ERAP1: variants seen among roughly 807,000 people sequenced by gnomAD.
ERAP1 encodes the protein endoplasmic reticulum aminopeptidase 1.
In ERAP1, 86 loss-of-function variants were observed where a neutral mutation model predicts 103.7. That is an observed-to-expected ratio of 0.83 (90% confidence interval 0.70 to 0.99). ERAP1 has a LOEUF of 0.99. ERAP1 is among the 50% of genes least tolerant of loss of function. ERAP1 has a pLI of 0.00. For synonymous variants in ERAP1, 398 were observed against 402.4 expected (o/e 0.99, Z 0.13); for missense variants, 1,009 against 1,128.4 (o/e 0.89, Z 1.52).
chr5:96,876,835 T>C, the ERAP1 span, among the ~76,000 whole-genome samples: 9 of 152,214 alleles, frequency 5.9e-5, no homozygotes, highest in Non-Finnish European at 1.3e-4. Flanking sequence ...TAAGGTACAG[T>C]GCAGTATAAT....
intron 5 of ERAP1, among the ~76,000 whole-genome samples, chr5:96,794,171 CTT>C (rs35041937): frequency 8.6e-4 from 59 of 68,700 alleles, no homozygotes; most frequent in Non-Finnish European, 1.1e-3. Context: ...CATCTCAGGC[CTT>C]TTTTTTTTTT....
At chr5:96,785,069 G>T (rs1775806119) in intron 13 of ERAP1, 1 of 152,764 alleles carries the variant, frequency 6.5e-6, no homozygotes, top group Non-Finnish European at 1.5e-5. Flanking sequence ...AAGGATACGG[G>T]TATGAGGAGA....
rs1776818188 is a variant in ERAP1, at chr5:96,792,281, G to GTCCA, written c.1189-93_1189-90dup. ...TGGGACATTTTATCTGAGGCAAGAAGTCCATACTTCACATTTTGGGGGCAA... is the reference window on the plus strand; with the variant it reads ...TGGGACATTTTATCTGAGGCAAGAAGTCCATCCATACTTCACATTTTGGGGGCAA... On this transcript the variant is annotated intron_variant, in intron 7 of 18. Transcript: ENST00000443439. The GTCCA allele has an allele frequency of 2.3e-6, 3 of 1,313,508 alleles. No individual in the cohort carries two copies. In the Admixed American group the frequency reaches 5.2e-5, roughly 23 times the overall value. 81.4% of individuals were successfully genotyped at this position (1,313,508 alleles called of 1,614,324 possible). A position where few individuals can be genotyped will look rare whatever the true frequency, so the allele number is the denominator to read the frequency against.
chr5:96,822,909 A>C, the ERAP1 span: 3 of 367,780 alleles, frequency 8.2e-6, 1 homozygote, highest in South Asian at 6.1e-5. Context: ...AGGCTGAATC[A>C]AGGTGTCATC....
the ERAP1 span, among the ~76,000 whole-genome samples, chr5:96,821,056 G>A: frequency 1.3e-5 from 2 of 152,226 alleles, no homozygotes; most frequent in Admixed American, 1.3e-4. Flanking sequence ...AAAATTTGCA[G>A]TGCAGGCTGG....
chr5:96,808,115 C>G (rs1027276964), upstream of ERAP1: 398 of 985,352 alleles, frequency 4.0e-4, 2 homozygotes, highest in African/African-American at 6.6e-3. Flanking sequence ...GAGCGCTGCA[C>G]GCCGGGGAAG....
the ERAP1 span, among the ~76,000 whole-genome samples, chr5:96,838,840 C>G: frequency 1.3e-5 from 2 of 151,832 alleles, no homozygotes; most frequent in African/African-American, 4.9e-5. Context: ...CACACATTTG[C>G]CATGCAATTC....
the ERAP1 span, among the ~76,000 whole-genome samples, chr5:96,933,191 C>T: frequency 1.4e-5 from 2 of 144,432 alleles, no homozygotes; most frequent in African/African-American, 2.6e-5. Flanking sequence ...ACTATTTTTA[C>T]TTCTTATACA....
chr5:96,916,779 TA>T, the ERAP1 span, among the ~76,000 whole-genome samples: 176 of 150,248 alleles, frequency 1.2e-3, 1 homozygote, highest in African/African-American at 4.1e-3. Context: ...TTTTTTTTTT[TA>T]AAGCATTATA....
chr5:96,821,174 C>A, the ERAP1 span, among the ~76,000 whole-genome samples: 11 of 152,246 alleles, frequency 7.2e-5, no homozygotes, highest in Admixed American at 7.2e-4. Flanking sequence ...TCTCTTAAGA[C>A]CTTCAGCGGA....
downstream of ERAP1, chr5:96,772,466 T>A: frequency 6.5e-6 from 1 of 152,680 alleles, no homozygotes. Flanking sequence ...AGAACTGCTC[T>A]AACATTTTTC....
the ERAP1 span, chr5:96,903,458 G>T: frequency 1.2e-6 from 2 of 1,614,002 alleles, no homozygotes; most frequent in African/African-American, 2.7e-5. Context: ...CACTATGAGG[G>T]TCATGGATGG....
Position 96,799,763 on chromosome 5 carries a change from T to C in ERAP1, c.663+1099A>G, listed in dbSNP as rs77530272. Among the ~76,000 whole-genome samples the C allele has an allele frequency of 6.8e-3, 1,033 of 152,320 alleles. 2 individuals are homozygous for C. Among genetic ancestry groups the C allele is most frequent in the Admixed American group, 0.011 (171 of 15,294 alleles). ...GTATATTAAATTTATATTAGGAAAA[T>C]AGCATAATTGTTTCTTGTCTTTTCA... On this transcript the variant is annotated intron_variant, in intron 3 of 18. Transcript: ENST00000443439.
the ERAP1 span, chr5:96,917,332 G>A: frequency 1.5e-6 from 1 of 678,200 alleles, no homozygotes; most frequent in Non-Finnish European, 2.4e-6. Flanking sequence ...TGTTGCCTAG[G>A]CTCGTATTGA....
At chr5:96,826,338 G>A in the ERAP1 span, among the ~76,000 whole-genome samples, 1 of 152,208 alleles carries the variant, frequency 6.6e-6, no homozygotes, top group Non-Finnish European at 1.5e-5. Flanking sequence ...TGTGGCAAAT[G>A]AGAGAGGAAG....
At chr5:96,784,792 A>T (rs1372858944) in intron 13 of ERAP1, 1 of 152,980 alleles carries the variant, frequency 6.5e-6, no homozygotes, top group Non-Finnish European at 1.5e-5. Flanking sequence ...TCCATTTCAA[A>T]GACACTGCAT....
At chr5:96,784,198 T>A in intron 13 of ERAP1, 118 bp from the exon 14 acceptor site, 1 of 1,128,116 alleles carries the variant, frequency 8.9e-7, no homozygotes, top group South Asian at 1.3e-5. Context: ...ATGTCCCTTA[T>A]AAATAGATAA....
chr5:96,764,449 A>T (rs1769099715), intron 19 of ERAP1, among the ~76,000 whole-genome samples: 1 of 152,188 alleles, frequency 6.6e-6, no homozygotes, highest in Non-Finnish European at 1.5e-5. Context: ...CTAGAATACC[A>T]GCTCCCATTT....
In ERAP1 at chr5:96,774,579, A is replaced by C. The variant is rs1192282868; in HGVS notation, c.*1817T>G. The C allele has an allele frequency of 2.0e-6, 2 of 985,512 alleles. No homozygotes were observed. Among genetic ancestry groups the C allele is most frequent in the African/African-American group, 1.7e-5 (1 of 57,250 alleles). 61.0% of individuals were successfully genotyped at this position (985,512 alleles called of 1,614,324 possible). On this transcript the variant is annotated 3_prime_UTR_variant, in exon 19 of 19. Coordinates refer to ENST00000443439, the MANE Select transcript of ERAP1 (RefSeq NM_001040458.3). ...TTAGAAAATGGGCTTTTCCAAAAGC[A>C]AACAAAGATAGGTTCCTCAGGTGAC...
Sources: allele counts gnomAD v4.1 joint callset (sites outside exome capture counted in the v4.1 genomes callset), GRCh38; gene constraint gnomAD v4.1.1; transcripts MANE v1.5; gene names NCBI Gene and HGNC (gene_info 2026-07-23, HGNC 2026-07-21).